FAM98C: variants seen among roughly 807,000 people sequenced by gnomAD.
The protein encoded by FAM98C is tRNA splicing ligase complex subunit 3C, also known as protein FAM98C.
A neutral mutation model predicts 41.1 loss-of-function variants in FAM98C; 38 were observed. That is an observed-to-expected ratio of 0.92 (90% CI 0.71 to 1.21). The LOEUF (loss-of-function observed/expected upper bound fraction) is 1.21. Among genes scored for constraint, FAM98C ranks in the 50% most tolerant of loss-of-function variants. FAM98C has a pLI of 0.00. For missense variants in FAM98C, 493 were observed against 484.7 expected (o/e 1.02, Z -0.16); for synonymous variants, 195 against 216.7 (o/e 0.90, Z 0.88).
rs761279628 is a variant in FAM98C at position 38,408,835 on chromosome 19, G to T, written c.1003G>T (p.Asp335Tyr). 1.9e-5 allele frequency: 31 copies of T among 1,606,820 alleles called. No individual in the cohort carries two copies. Among genetic ancestry groups the T allele is most frequent in the Non-Finnish European group, 2.5e-5 (29 of 1,177,826 alleles). The change falls in exon 8 of 8, where the codon GAT becomes TAT. Residue 335 changes from aspartate to tyrosine, a missense_variant. Physicochemically the swap from Asp to Tyr is radical, Grantham distance 160 (BLOSUM62 -3). Coordinates refer to ENST00000252530, the MANE Select transcript of FAM98C (RefSeq NM_174905.4). ...PMPTWRSRREDGGPQCWGRKK... is the reference protein window; with the variant it reads ...PMPTWRSRREYGGPQCWGRKK... ...GCCCACCTGGAGGAGCCGAAGAGAG[G>T]ATGGAGGCCCCCAGTGTTGGGGTCG...
rs367904601 is a variant in FAM98C, at chr19:38,405,411, C to T, written c.623C>T (p.Ala208Val). Residue 208 changes from alanine to valine, a missense_variant, in exon 5 of 8, where the codon GCA (alanine) becomes GTA (valine). Coordinates refer to ENST00000252530, the MANE Select transcript of FAM98C (RefSeq NM_174905.4). ...CCCCTCCTCAGCTGCTCGCTAGATG[C>T]ACCCAGATGGGTAAGACTGTGTGCG... is the stretch of plus-strand genomic sequence containing the variant. ...LQPLLSCSLD[A>V]PRWEALESLS... 8 of 1,614,048 alleles carry T rather than the reference C, an allele frequency of 5.0e-6. No homozygotes were observed. The African/African-American group carries it at 9.3e-5, about 19-fold the overall frequency.
At chr19:38,407,377 T>TA (rs1568402247) in intron 7 of FAM98C, 1 of 185,008 alleles carries the variant, frequency 5.4e-6, no homozygotes, top group African/African-American at 2.6e-5. Context: ...TTTTTTAACC[T>TA]TTTTTTTTTT....
chr19:38,405,261 G>A, intron 4 of FAM98C, 83 bp from the exon 5 acceptor site: 1 of 1,537,944 alleles, frequency 6.5e-7, no homozygotes, highest in Non-Finnish European at 8.9e-7. Context: ...TGTGGCCTAG[G>A]TCCTCAGGGG....
At position 38,403,643 on chromosome 19, in the gene FAM98C, G is replaced by A; in HGVS notation, c.298G>A (p.Gly100Arg). 1.4e-6 allele frequency: 2 copies of A among 1,417,386 alleles called. No individual in the cohort carries two copies. The highest frequency in any genetic ancestry group is 3.0e-5 in the East Asian group (1 of 33,368). The allele number at this position is 1,417,386 out of a possible 1,614,324, so 87.8% of individuals were successfully genotyped here. ...LHCPDRALCG[G>R]DGAAALREPG... ...CTGCCCGGATCGCGCGCTCTGCGGC[G>A]GGGATGGCGCGGCTGCGCTTCGGGA... Residue 100 changes from glycine to arginine, a missense_variant, in exon 3 of 8, where the codon GGG (glycine) becomes AGG (arginine). Coordinates refer to ENST00000252530, the MANE Select transcript of FAM98C (RefSeq NM_174905.4).
At chr19:38,406,154 CTTT>C (rs60993532) in intron 6 of FAM98C, 1 of 148,638 alleles carries the variant, frequency 6.7e-6, no homozygotes. Flanking sequence ...TGCACCCAGC[CTTT>C]TTTTTTTATT....
rs997457457 is a variant in FAM98C at position 38,405,206 on chromosome 19, C to T, written c.555+93C>T. ...TCCACTTCTGGAAGGAGTATTCCAA[C>T]CACTGGCCTGTTTTTTCTGGAGCTG... On this transcript the variant is annotated intron_variant, in intron 4 of 7. Transcript: ENST00000252530. The T allele has an allele frequency of 3.3e-6, 5 of 1,514,144 alleles. No individual in the cohort carries two copies. In the African/African-American group the frequency reaches 5.5e-5, roughly 17 times the overall value. The allele number at this position is 1,514,144 out of a possible 1,614,324, so 93.8% of individuals were successfully genotyped here.
chr19:38,409,078 T>G lies in FAM98C; in HGVS notation c.*196T>G. On this transcript the variant is annotated 3_prime_UTR_variant, in exon 8 of 8. Transcript: ENST00000252530. ...TGTTCTCCAGAGAATAAATTTAATT[T>G]ATGACAGCTGTAGGACCTCTCTCTG... 1.9e-6 allele frequency: 1 copy of G among 515,914 alleles called. No homozygotes were observed. Among genetic ancestry groups the G allele is most frequent in the East Asian group, 3.7e-5 (1 of 27,168 alleles). The allele number at this position is 515,914 out of a possible 1,614,324, so 32.0% of individuals were successfully genotyped here.
intron 3 of FAM98C, 102 bp downstream of exon 3, chr19:38,403,796 T>G: frequency 1.5e-6 from 2 of 1,317,612 alleles, no homozygotes; most frequent in Non-Finnish European, 1.9e-6. Context: ...GGTCAGAACT[T>G]TGGGGCGGCC....
At position 38,407,089 on chromosome 19, in the gene FAM98C, G is replaced by T; in HGVS notation, c.918+12G>T. 6.2e-7 allele frequency: 1 copy of T among 1,611,152 alleles called. No homozygotes were observed. Among genetic ancestry groups the T allele is most frequent in the Non-Finnish European group, 8.5e-7 (1 of 1,178,088 alleles). On this transcript the variant is annotated intron_variant, in intron 7 of 7. Transcript: ENST00000252530. Reference sequence around the variant, plus strand: ...GTGCCATCAACAAGGTGGGCATCTGGGGTAGGGAAGGGCCCTGGCATCCTT... The same window carrying T: ...GTGCCATCAACAAGGTGGGCATCTGTGGTAGGGAAGGGCCCTGGCATCCTT...
At chr19:38,403,247 G>A (rs867495583) in intron 1 of FAM98C, 29 bp downstream of exon 1, 1 of 1,555,216 alleles carries the variant, frequency 6.4e-7, no homozygotes, top group South Asian at 1.2e-5. Context: ...AGGCTGGTGG[G>A]TGCAGGAAGG....
rs375645286 is a variant in FAM98C, at chr19:38,405,519, G to A, written c.634G>A (p.Glu212Lys). 35 of 1,614,064 alleles carry A rather than the reference G, an allele frequency of 2.2e-5. No individual in the cohort carries two copies. Among genetic ancestry groups the A allele is most frequent in the Non-Finnish European group, 2.7e-5 (32 of 1,180,048 alleles). ...LSCSLDAPRW[E>K]ALESLSQSLR... The stretch of plus-strand genomic sequence containing the variant: ...CTGACCTTGAGACCTTTTCTCCCAG[G>A]AAGCGTTGGAGTCTCTGTCCCAAAG... Residue 212 changes from glutamate to lysine, a missense_variant and splice_region_variant, in exon 6 of 8, where the codon GAA becomes AAA. By Grantham distance (56) the Glu-to-Lys change is moderately conservative (BLOSUM62 1). Coordinates refer to ENST00000252530, the MANE Select transcript of FAM98C (RefSeq NM_174905.4).
chr19:38,403,524 C>T (rs1227230175), intron 2 of FAM98C, 36 bp from the exon 3 acceptor site: 22 of 1,436,840 alleles, frequency 1.5e-5, no homozygotes, highest in Non-Finnish European at 2.0e-5. Flanking sequence ...GGGGCCGCCA[C>T]GGGGCCACCG....
At chr19:38,407,366 G>T in intron 7 of FAM98C, 11 of 342,056 alleles carry the variant, frequency 3.2e-5, no homozygotes, top group East Asian at 1.6e-4. Context: ...CCTATTTGTT[G>T]TTTTTTAACC....
intron 6 of FAM98C, 166 bp from the exon 7 acceptor site, chr19:38,406,744 C>T: frequency 1.4e-6 from 1 of 693,216 alleles, no homozygotes; most frequent in Non-Finnish European, 2.4e-6. Flanking sequence ...ACCATCACGC[C>T]ACCACACTCC....
chr19:38,405,203 C>G, intron 4 of FAM98C, 90 bp downstream of exon 4: 2 of 1,514,238 alleles, frequency 1.3e-6, no homozygotes, highest in Admixed American at 3.8e-5. Context: ...AGGAGTATTC[C>G]AACCACTGGC....
chr19:38,404,658 G>C, intron 3 of FAM98C: 1 of 420,906 alleles, frequency 2.4e-6, no homozygotes, highest in Non-Finnish European at 4.5e-6. Flanking sequence ...AGCCTCCCGA[G>C]TAGCTGGGAT....
Position 38,408,679 on chromosome 19 carries a change from T to C in FAM98C, c.919-72T>C, listed in dbSNP as rs1971089390. ...CTGTTTCTTCTTCAGCCTCATGCTGTTCCCTTCGCTCTCTGGCCCCCTTGT... is the reference window on the plus strand; with the variant it reads ...CTGTTTCTTCTTCAGCCTCATGCTGCTCCCTTCGCTCTCTGGCCCCCTTGT... On this transcript the variant is annotated intron_variant, in intron 7 of 7. Transcript: ENST00000252530. 9 of 1,601,738 alleles carry C rather than the reference T, an allele frequency of 5.6e-6. No individual in the cohort carries two copies. In the East Asian group the frequency reaches 2.0e-4, roughly 36 times the overall value.
intron 7 of FAM98C, chr19:38,407,566 T>C (rs1435544093): frequency 6.2e-6 from 1 of 160,150 alleles, no homozygotes; most frequent in Non-Finnish European, 1.4e-5. Context: ...TGACGGGGTT[T>C]CACCATATTG....
Position 38,403,351 on chromosome 19 carries a change from C to G in FAM98C, c.79C>G (p.Pro27Ala), listed in dbSNP as rs751283524. The stretch of plus-strand genomic sequence containing the variant: ...CGGTCCCCACAGGTATGGAGGTGTC[C>G]CGGGGGCGGCGTCGCGGGGCGCCTC... The part of the protein sequence containing the change: ...DLLALGYGGV[P>A]GAASRGASCP... Residue 27 changes from proline (P) to alanine (A), a missense_variant, in exon 2 of 8, where the codon CCG becomes GCG. Transcript: ENST00000252530. 75 of 1,472,828 alleles carry G rather than the reference C, an allele frequency of 5.1e-5. No individual in the cohort carries two copies. The highest frequency in any genetic ancestry group is 6.6e-5 in the Non-Finnish European group (74 of 1,127,016). 91.2% of individuals were successfully genotyped at this position (1,472,828 alleles called of 1,614,324 possible). A position where few individuals can be genotyped will look rare whatever the true frequency, so the allele number is the denominator to read the frequency against.
Sources: allele counts gnomAD v4.1 joint callset, GRCh38; gene constraint gnomAD v4.1.1; transcripts MANE v1.5; gene names NCBI Gene and HGNC (gene_info 2026-07-23, HGNC 2026-07-21).